Variants in PID1 observed in about 807,000 individuals in gnomAD.
PID1 encodes the protein PTB-containing, cubilin and LRP1-interacting protein.
PID1 carries 10 observed loss-of-function variants against 19.1 expected under a neutral mutation model. The ratio of observed to expected loss-of-function variants is 0.52; its 90% CI spans 0.32 to 0.89. PID1 has a LOEUF of 0.89. Ranked by LOEUF, PID1 falls within the 40% of genes least tolerant of loss-of-function variation. PID1 has a pLI of 0.03. For synonymous variants in PID1, 130 were observed against 116.0 expected (o/e 1.12, Z -0.78); for missense variants, 248 against 285.3 (o/e 0.87, Z 0.94).
chr2:229,045,361 TG>T (rs1227738270), intron 2 of PID1, among the ~76,000 whole-genome samples: 3 of 152,246 alleles, frequency 2.0e-5, no homozygotes, highest in African/African-American at 7.2e-5. Context: ...ATAAAGTGAA[TG>T]ACTGATATCC....
chr2:229,195,140 T>C (rs1213217044), intron 1 of PID1, among the ~76,000 whole-genome samples: 2 of 151,838 alleles, frequency 1.3e-5, no homozygotes, highest in African/African-American at 4.8e-5. Context: ...AGATTATATA[T>C]TGTATTTTGC....
At chr2:229,158,668 G>A (rs1690430649) in intron 1 of PID1, among the ~76,000 whole-genome samples, 2 of 151,826 alleles carry the variant, frequency 1.3e-5, no homozygotes, top group African/African-American at 4.8e-5. Flanking sequence ...CTTCGTCCAA[G>A]TTGACCTTAA....
intron 2 of PID1, among the ~76,000 whole-genome samples, chr2:229,074,102 CA>C (rs760963863): frequency 1.4e-4 from 22 of 152,130 alleles, no homozygotes; most frequent in Non-Finnish European, 2.4e-4. Context: ...GTCAGATTTA[CA>C]TTTAGGTTTT....
chr2:229,158,926 CTG>C (rs747158770), intron 1 of PID1, among the ~76,000 whole-genome samples: 4 of 149,020 alleles, frequency 2.7e-5, no homozygotes, highest in Admixed American at 6.8e-5. Flanking sequence ...TTACCAGAGG[CTG>C]TGAAGGGTAG....
intron 2 of PID1, among the ~76,000 whole-genome samples, chr2:229,119,290 ATTAAT>A (rs1695470417): frequency 6.6e-6 from 1 of 152,226 alleles, no homozygotes; most frequent in Admixed American, 6.5e-5. Context: ...AAATAAATCA[ATTAAT>A]TTGTCTAAAA....
intron 1 of PID1, chr2:229,262,658 A>C: frequency 6.5e-7 from 1 of 1,550,220 alleles, no homozygotes; most frequent in African/African-American, 1.4e-5. Context: ...GGGTAGCTTA[A>C]AACAACAGAA....
At position 229,192,211 on chromosome 2, in the gene PID1, G is replaced by GGA. The variant is rs1410361716; in HGVS notation, c.31-36249_31-36248dup. Among the ~76,000 whole-genome samples the GGA allele has an allele frequency of 5.9e-5, 9 of 152,158 alleles. No homozygotes were observed. The East Asian group carries it at 9.7e-4, about 16-fold the overall frequency. ...ACAACACGGTTTGACAGTTGTCCTA[G>GGA]GAGTACCTTTTTTATCCTCTCTGCC... On this transcript the variant is annotated intron_variant, in intron 1 of 2. Coordinates refer to ENST00000392055, the MANE Select transcript of PID1 (RefSeq NM_001100818.2).
intron 1 of PID1, among the ~76,000 whole-genome samples, chr2:229,215,704 T>C (rs1180416360): frequency 1.3e-5 from 2 of 152,226 alleles, no homozygotes; most frequent in Non-Finnish European, 2.9e-5. Context: ...ATCGGGAATA[T>C]GTTTTATCAT....
At chr2:229,051,149 C>A (rs771871143) in intron 2 of PID1, among the ~76,000 whole-genome samples, 13 of 152,086 alleles carry the variant, frequency 8.5e-5, no homozygotes, top group Admixed American at 1.3e-4. Context: ...AGGTGTGAAG[C>A]CCTGTACCTT....
chr2:229,043,601 A>G (rs1424655655), intron 2 of PID1, among the ~76,000 whole-genome samples: 4 of 152,356 alleles, frequency 2.6e-5, no homozygotes, highest in Admixed American at 2.6e-4. Context: ...GTTTCAAATC[A>G]TGATGGATTA....
At chr2:229,138,790 A>T (rs1445591441) in intron 2 of PID1, among the ~76,000 whole-genome samples, 1 of 151,714 alleles carries the variant, frequency 6.6e-6, no homozygotes, top group Admixed American at 6.6e-5. Context: ...GGGCTAGACA[A>T]GTTACTTAAA....
chr2:229,146,567 A>C (rs953226735), intron 2 of PID1, among the ~76,000 whole-genome samples: 5 of 151,680 alleles, frequency 3.3e-5, no homozygotes, highest in African/African-American at 1.2e-4. Context: ...CAATTTTTGC[A>C]TTTTTACAAT....
intron 2 of PID1, among the ~76,000 whole-genome samples, chr2:229,129,678 T>C (rs1023661789): frequency 1.3e-5 from 2 of 152,190 alleles, no homozygotes; most frequent in African/African-American, 2.4e-5. Flanking sequence ...AAGAAGCACA[T>C]TTCTAGCAAC....
rs1044975249 is a variant in PID1, at chr2:229,231,802, A to T, written c.30+39212T>A. 3 of 1,462,688 alleles carry T rather than the reference A, an allele frequency of 2.1e-6. No homozygotes were observed. The Admixed American group carries it at 6.3e-5, about 31-fold the overall frequency. The allele number at this position is 1,462,688 out of a possible 1,614,324, so 90.6% of individuals were successfully genotyped here. ...CTCAATAGTCCAGATGTGTGATGGCATTTTACCAAACCTACTTCCCACTCC... is the reference window on the plus strand; with the variant it reads ...CTCAATAGTCCAGATGTGTGATGGCTTTTTACCAAACCTACTTCCCACTCC... On this transcript the variant is annotated intron_variant, in intron 1 of 2. Coordinates refer to ENST00000392055, the MANE Select transcript of PID1 (RefSeq NM_001100818.2).
intron 1 of PID1, among the ~76,000 whole-genome samples, chr2:229,260,479 T>C (rs951250562): frequency 3.1e-4 from 45 of 145,674 alleles, no homozygotes; most frequent in African/African-American, 1.1e-3. Flanking sequence ...TATATATATA[T>C]GTATATATGT....
intron 1 of PID1, among the ~76,000 whole-genome samples, chr2:229,241,854 A>G (rs778819270): frequency 2.7e-4 from 41 of 152,142 alleles, no homozygotes; most frequent in Non-Finnish European, 5.1e-4. Context: ...CATATAATAC[A>G]GAACTGTCTT....
chr2:229,228,960 T>C (rs1236756420), intron 1 of PID1, among the ~76,000 whole-genome samples: 4 of 152,174 alleles, frequency 2.6e-5, no homozygotes, highest in Non-Finnish European at 4.4e-5. Context: ...GTGAGAAATA[T>C]ACCTTATCTC....
At chr2:229,077,239 G>GT (rs1209280372) in intron 2 of PID1, among the ~76,000 whole-genome samples, 1 of 151,946 alleles carries the variant, frequency 6.6e-6, no homozygotes, top group Non-Finnish European at 1.5e-5. Flanking sequence ...GGGGTTGTTT[G>GT]TTTTTTTCAT....
intron 2 of PID1, among the ~76,000 whole-genome samples, chr2:229,138,400 C>G (rs886407034): frequency 6.6e-6 from 1 of 152,134 alleles, no homozygotes; most frequent in East Asian, 1.9e-4. Context: ...ATATAGGTAC[C>G]GAGAACGTCT....
Sources: gnomAD v4.1 joint callset for allele counts (sites outside exome capture counted in the v4.1 genomes callset) on GRCh38, gnomAD v4.1.1 for gene constraint, MANE v1.5 for transcripts, NCBI Gene and HGNC (gene_info 2026-07-23, HGNC 2026-07-21) for gene names.